HERPUD2: variants seen among roughly 807,000 people sequenced by gnomAD.
HERPUD2 encodes homocysteine-responsive endoplasmic reticulum-resident ubiquitin-like domain member 2 protein.
HERPUD2 carries 13 observed loss-of-function variants against 49.9 expected under a neutral mutation model. That is an observed-to-expected ratio of 0.26 (90% CI 0.17 to 0.41). The LOEUF (loss-of-function observed/expected upper bound fraction) is 0.41. Among genes scored for constraint, HERPUD2 ranks in the 10% least tolerant of loss-of-function variants. The pLI, the probability that HERPUD2 is intolerant of heterozygous loss-of-function variation, is 1.00. For synonymous variants in HERPUD2, 172 were observed against 171.4 expected (o/e 1.00, Z -0.03); for missense variants, 449 against 492.2 (o/e 0.91, Z 0.83).
At chr7:35,649,980 C>T (rs1447156331) in intron 5 of HERPUD2, among the ~76,000 whole-genome samples, 1 of 152,018 alleles carries the variant, frequency 6.6e-6, no homozygotes, top group South Asian at 2.1e-4. Context: ...GAGGTCCACT[C>T]AGATGGTTGG....
chr7:35,690,567 C>T (rs1728726847), intron 2 of HERPUD2, among the ~76,000 whole-genome samples: 1 of 152,122 alleles, frequency 6.6e-6, no homozygotes. Context: ...CCCAACACTT[C>T]GGGAGGCCGA....
chr7:35,692,112 T>C (rs1786204087), intron 2 of HERPUD2, among the ~76,000 whole-genome samples: 2 of 152,214 alleles, frequency 1.3e-5, no homozygotes, highest in South Asian at 4.1e-4. Flanking sequence ...TCCAAAAGTG[T>C]CTCCAGTGTG....
intron 2 of HERPUD2, among the ~76,000 whole-genome samples, chr7:35,680,905 C>T (rs1357347899): frequency 3.3e-5 from 5 of 152,176 alleles, no homozygotes; most frequent in African/African-American, 1.2e-4. Flanking sequence ...CACTACTGTG[C>T]CTCACAGAGT....
chr7:35,679,733 T>C (rs1785839354), intron 2 of HERPUD2, among the ~76,000 whole-genome samples: 1 of 152,200 alleles, frequency 6.6e-6, no homozygotes, highest in South Asian at 2.1e-4. Context: ...CAGATTCATA[T>C]ACCCAACTGC....
intron 5 of HERPUD2, among the ~76,000 whole-genome samples, chr7:35,661,165 GT>G (rs1785411302): frequency 1.3e-5 from 2 of 152,022 alleles, no homozygotes; most frequent in Non-Finnish European, 2.9e-5. Flanking sequence ...TTTTCGTCAG[GT>G]TTGTGAAAGA....
chr7:35,680,193 G>C (rs1785850146), intron 2 of HERPUD2, among the ~76,000 whole-genome samples: 1 of 152,140 alleles, frequency 6.6e-6, no homozygotes, highest in Admixed American at 6.5e-5. Context: ...GACTGCTTGA[G>C]CCCAGGAGTT....
Position 35,694,325 on chromosome 7 carries a change from G to C in HERPUD2, c.6C>G (p.Asp2Glu), listed in dbSNP as rs1402859540. Reference protein sequence around the residue: MDQSGMEIPVTL... With the variant: MEQSGMEIPVTL... ...TCACAGGAATCTCCATCCCACTTTG[G>C]TCCATGGTGCCCCCAAAGTCAGACA... The change falls in exon 2 of 9, where the codon GAC becomes GAG. Residue 2 changes from aspartate to glutamate, a missense_variant. Coordinates refer to ENST00000311350, the MANE Select transcript of HERPUD2 (RefSeq NM_022373.5). 3.7e-6 allele frequency: 6 copies of C among 1,614,100 alleles called. No individual in the cohort carries two copies. Among genetic ancestry groups the C allele is most frequent in the Non-Finnish European group, 4.2e-6 (5 of 1,179,996 alleles).
chr7:35,635,160 T>C lies in HERPUD2; in HGVS notation c.916A>G (p.Met306Val), dbSNP rs1189557157. The change falls in exon 7 of 9, where the codon ATG becomes GTG. Residue 306 changes from methionine to valine, a missense_variant. Physicochemically the swap from Met to Val is conservative, Grantham distance 21. Transcript: ENST00000311350. Reference sequence around the variant, plus strand: ...AAATAAACCAGTAGCATGGCTCCCATTACCATGATAAACCGACTAAAAGAA... The same window carrying C: ...AAATAAACCAGTAGCATGGCTCCCACTACCATGATAAACCGACTAAAAGAA... ...YSSFSRFIMV[M>V]GAMLLVYLHQ... 8 of 1,613,604 alleles carry C rather than the reference T, an allele frequency of 5.0e-6. No homozygotes were observed. The highest frequency in any genetic ancestry group is 5.9e-6 in the Non-Finnish European group (7 of 1,179,636).
At chr7:35,654,377 C>T (rs1460310257) in intron 5 of HERPUD2, among the ~76,000 whole-genome samples, 1 of 151,492 alleles carries the variant, frequency 6.6e-6, no homozygotes, top group Admixed American at 6.6e-5. Flanking sequence ...ACAACTGATA[C>T]CACAGAAATA....
chr7:35,635,161 T>C lies in HERPUD2; in HGVS notation c.915A>G (p.Val305=). 1 of 1,613,754 alleles carries C rather than the reference T, an allele frequency of 6.2e-7. No individual in the cohort carries two copies. Among genetic ancestry groups the C allele is most frequent in the South Asian group, 1.1e-5 (1 of 91,078 alleles). Reference sequence around the variant, plus strand: ...AATAAACCAGTAGCATGGCTCCCATTACCATGATAAACCGACTAAAAGAAG... The same window carrying C: ...AATAAACCAGTAGCATGGCTCCCATCACCATGATAAACCGACTAAAAGAAG... ...FYSSFSRFIM[V]MGAMLLVYLH... The change falls in exon 7 of 9, where the codon GTA becomes GTG. Residue 305 remains valine, a synonymous_variant. Coordinates refer to ENST00000311350, the MANE Select transcript of HERPUD2 (RefSeq NM_022373.5).
intron 2 of HERPUD2, among the ~76,000 whole-genome samples, chr7:35,686,747 C>CAAG (rs1786063184): frequency 4.8e-5 from 1 of 20,676 alleles, no homozygotes; most frequent in African/African-American, 2.8e-4. Context: ...AAAAAAAAAC[C>CAAG]AAACCCATTT....
intron 2 of HERPUD2, among the ~76,000 whole-genome samples, chr7:35,692,159 A>C (rs1169171778): frequency 1.3e-5 from 2 of 152,226 alleles, no homozygotes; most frequent in Admixed American, 1.3e-4. Flanking sequence ...GGAGTTCTGT[A>C]ACAGATCTCA....
At chr7:35,687,090 A>T (rs1383159505) in intron 2 of HERPUD2, among the ~76,000 whole-genome samples, 2 of 152,130 alleles carry the variant, frequency 1.3e-5, no homozygotes, top group Non-Finnish European at 2.9e-5. Context: ...ACCCATTTCT[A>T]TATTAGTTAG....
chr7:35,682,670 G>C (rs1785940996), intron 2 of HERPUD2, among the ~76,000 whole-genome samples: 1 of 151,778 alleles, frequency 6.6e-6, no homozygotes, highest in Middle Eastern at 3.4e-3. Flanking sequence ...AAAATCCAAA[G>C]ACTCCTCCAG....
At chr7:35,690,765 C>G (rs1723472655) in intron 2 of HERPUD2, among the ~76,000 whole-genome samples, 1 of 151,776 alleles carries the variant, frequency 6.6e-6, no homozygotes, top group Admixed American at 6.6e-5. Flanking sequence ...GCCGAGATAG[C>G]GCCATTGCAC....
chr7:35,636,914 C>T (rs1485428535), intron 6 of HERPUD2, among the ~76,000 whole-genome samples: 5 of 152,100 alleles, frequency 3.3e-5, no homozygotes, highest in Non-Finnish European at 7.4e-5. Context: ...AGATGGATCC[C>T]TTGAGGCCAG....
intron 2 of HERPUD2, among the ~76,000 whole-genome samples, chr7:35,683,914 G>A (rs1312507418): frequency 6.6e-6 from 1 of 152,210 alleles, no homozygotes; most frequent in East Asian, 1.9e-4. Flanking sequence ...AATAATAGAT[G>A]TTGGCGTGGC....
rs758948241 is a variant in HERPUD2, at chr7:35,638,434, G to A, written c.533C>T (p.Pro178Leu). ...AAACGCGGGATACACTGGGAATCCA[G>A]GTGGAGCAGCTTGCCCAGGAAATTG... The part of the protein sequence containing the change: ...DNQFPGQAAP[P>L]GFPVYPAFSP... Residue 178 changes from proline to leucine, a missense_variant, in exon 6 of 9, where the codon CCT becomes CTT. Transcript: ENST00000311350. 2 of 1,613,660 alleles carry A rather than the reference G, an allele frequency of 1.2e-6. No individual in the cohort carries two copies. The highest frequency in any genetic ancestry group is 1.7e-6 in the Non-Finnish European group (2 of 1,179,670).
intron 2 of HERPUD2, among the ~76,000 whole-genome samples, chr7:35,678,623 A>G (rs781042251): frequency 2.6e-5 from 4 of 152,194 alleles, no homozygotes; most frequent in Non-Finnish European, 5.9e-5. Context: ...TTAAAATGAC[A>G]TTTATAAATC....
Sources: allele counts gnomAD v4.1 joint callset (sites outside exome capture counted in the v4.1 genomes callset), GRCh38; gene constraint gnomAD v4.1.1; transcripts MANE v1.5; gene names NCBI Gene and HGNC (gene_info 2026-07-23, HGNC 2026-07-21).